The following TBC1D31 variants were observed in gnomAD, a reference collection of about 807,000 sequenced individuals.
The protein encoded by TBC1D31 is WD repeat domain 67.
A neutral mutation model predicts 132.9 loss-of-function variants in TBC1D31; 99 were observed. That is an observed-to-expected ratio of 0.74 (90% CI 0.63 to 0.88). TBC1D31 has a LOEUF of 0.88. Among genes scored for constraint, TBC1D31 ranks in the 40% least tolerant of loss-of-function variants. The probability of loss-of-function intolerance (pLI) is 0.00; values close to 1 mark genes in which losing one functional copy is unlikely to be tolerated. For synonymous variants in TBC1D31, 385 were observed against 419.4 expected, an observed-to-expected ratio of 0.92 and a Z score of 1.00; for missense variants, 1,134 against 1,256.6, an observed-to-expected ratio of 0.90 and a Z score of 1.48.
intron 12 of TBC1D31, 52 bp from the exon 13 acceptor site, chr8:123,126,456 C>A (rs1199083319): frequency 6.6e-7 from 1 of 1,514,970 alleles, no homozygotes; most frequent in Non-Finnish European, 9.0e-7. Context: ...ACCAATGACT[C>A]CCTTTTTACT....
intron 10 of TBC1D31, among the ~76,000 whole-genome samples, chr8:123,112,323 A>G (rs897657963): frequency 2.6e-5 from 4 of 152,172 alleles, no homozygotes; most frequent in African/African-American, 7.2e-5. Context: ...AAACATTTAC[A>G]TGTTTTCTAA....
At chr8:123,105,958 G>A (rs1037909290) in intron 8 of TBC1D31, among the ~76,000 whole-genome samples, 2 of 151,452 alleles carry the variant, frequency 1.3e-5, no homozygotes, top group East Asian at 1.9e-4. Context: ...ATAACTACTC[G>A]ACTGATACAC....
chr8:123,085,703 C>T (rs966578108), intron 4 of TBC1D31, among the ~76,000 whole-genome samples: 8 of 152,182 alleles, frequency 5.3e-5, no homozygotes, highest in African/African-American at 1.2e-4. Flanking sequence ...GCCACCGCGC[C>T]GGGCCCCACT....
At chr8:123,157,782 A>G in the TBC1D31 span, among the ~76,000 whole-genome samples, 3 of 151,410 alleles carry the variant, frequency 2.0e-5, no homozygotes, top group Non-Finnish European at 4.4e-5. Context: ...AGATCCCGCC[A>G]GTCCCCGGAC....
At chr8:123,096,517 C>T (rs926637648) in intron 5 of TBC1D31, among the ~76,000 whole-genome samples, 3 of 152,148 alleles carry the variant, frequency 2.0e-5, no homozygotes, top group African/African-American at 7.2e-5. Flanking sequence ...CTTTCATCAC[C>T]TTATTTTATA....
chr8:123,092,692 C>T, intron 4 of TBC1D31, among the ~76,000 whole-genome samples: 1 of 152,038 alleles, frequency 6.6e-6, no homozygotes, highest in African/African-American at 2.4e-5. Context: ...CTCTGTCACC[C>T]AGGCTGGAAT....
At chr8:123,093,289 A>T (rs1816525750) in intron 4 of TBC1D31, among the ~76,000 whole-genome samples, 2 of 152,062 alleles carry the variant, frequency 1.3e-5, no homozygotes, top group South Asian at 4.1e-4. Flanking sequence ...ACTCAAAATT[A>T]TATCTTGTTT....
At position 123,080,180 on chromosome 8, in the gene TBC1D31, C is replaced by T. The variant is rs151174782; in HGVS notation, c.225-2522C>T. On this transcript the variant is annotated intron_variant, in intron 2 of 21. Transcript: ENST00000287380. ...ATCAACTTGTGTCATGCATGTAACA[C>T]GTGACAGTATCCAGGTATTGCTAAC... Among the ~76,000 whole-genome samples the T allele has an allele frequency of 2.0e-4, 30 of 152,274 alleles. No homozygotes were observed. In the East Asian group the frequency reaches 3.7e-3, roughly 19 times the overall value.
At chr8:123,122,056 T>C (rs1437810179) in intron 11 of TBC1D31, among the ~76,000 whole-genome samples, 1 of 152,202 alleles carries the variant, frequency 6.6e-6, no homozygotes, top group African/African-American at 2.4e-5. Flanking sequence ...TTAATGAGGA[T>C]GTGGGAAAAT....
Sources: gnomAD v4.1 joint callset for allele counts (sites outside exome capture counted in the v4.1 genomes callset) on GRCh38, gnomAD v4.1.1 for gene constraint, MANE v1.5 for transcripts, NCBI Gene and HGNC (gene_info 2026-07-23, HGNC 2026-07-21) for gene names.